The following ARL15 variants were observed in gnomAD, a reference collection of about 807,000 sequenced individuals.
The protein encoded by ARL15 is ADP-ribosylation factor-like protein 15.
A neutral mutation model predicts 25.2 loss-of-function variants in ARL15; 19 were observed. The ratio of observed to expected loss-of-function variants is 0.75; its 90% confidence interval spans 0.53 to 1.10. The LOEUF (loss-of-function observed/expected upper bound fraction) is 1.10, where lower values mean the gene tolerates loss of function less well. Ranked by LOEUF, ARL15 falls within the 50% of genes least tolerant of loss-of-function variation. The pLI is 0.00. For synonymous variants in ARL15, 94 were observed against 86.8 expected, an observed-to-expected ratio of 1.08 and a Z score of -0.46; for missense variants, 220 against 246.0, an observed-to-expected ratio of 0.89 and a Z score of 0.71.
intron 4 of ARL15, among the ~76,000 whole-genome samples, chr5:54,047,164 G>A (rs904226371): frequency 6.6e-6 from 1 of 152,112 alleles, no homozygotes; most frequent in Non-Finnish European, 1.5e-5. Flanking sequence ...GAGTAAGGGA[G>A]TGAAATAAAA....
intron 1 of ARL15, among the ~76,000 whole-genome samples, chr5:54,200,121 A>G (rs1229891146): frequency 7.7e-6 from 1 of 130,702 alleles, no homozygotes; most frequent in Non-Finnish European, 1.6e-5. Context: ...AGGAAGGGGA[A>G]CATCACACTC....
At chr5:54,183,819 T>G (rs1195260604) in intron 1 of ARL15, among the ~76,000 whole-genome samples, 2 of 151,516 alleles carry the variant, frequency 1.3e-5, no homozygotes, top group East Asian at 3.9e-4. Flanking sequence ...ATTGCGGCAT[T>G]ATTCACAATA....
intron 1 of ARL15, among the ~76,000 whole-genome samples, chr5:54,265,284 T>C (rs1342149965): frequency 6.6e-6 from 1 of 152,240 alleles, no homozygotes; most frequent in Non-Finnish European, 1.5e-5. Context: ...TAGTGGTTGT[T>C]TGGCCTTCTG....
At chr5:53,985,041 T>C (rs1015463351) in intron 4 of ARL15, among the ~76,000 whole-genome samples, 2 of 152,200 alleles carry the variant, frequency 1.3e-5, no homozygotes, top group Non-Finnish European at 2.9e-5. Flanking sequence ...AAGCTCACTA[T>C]CTAAATTATT....
rs533152484 is a variant in ARL15, at chr5:54,180,379, G to C, written c.49-8451C>G. Among the ~76,000 whole-genome samples, 5 of 152,270 alleles carry C rather than the reference G, an allele frequency of 3.3e-5. No individual in the cohort carries two copies. In the East Asian group the frequency reaches 9.7e-4, roughly 29 times the overall value. On this transcript the variant is annotated intron_variant, in intron 1 of 4. Transcript: ENST00000504924. The stretch of plus-strand genomic sequence containing the variant: ...ATGCTTCGATGTCTTAGGGTGACTA[G>C]TGGTTCTTGCAAACAAGTTCAAAAT...
chr5:54,083,044 T>A (rs995745840), intron 4 of ARL15, among the ~76,000 whole-genome samples: 5 of 152,164 alleles, frequency 3.3e-5, no homozygotes, highest in Non-Finnish European at 7.3e-5. Flanking sequence ...AAGAAAAATA[T>A]GTAAGCAAAT....
chr5:53,999,678 C>A (rs1342593734), intron 4 of ARL15, among the ~76,000 whole-genome samples: 1 of 152,122 alleles, frequency 6.6e-6, no homozygotes, highest in Admixed American at 6.5e-5. Context: ...TTTGGGAGGC[C>A]AAGGTGGGCG....
chr5:53,972,820 C>T (rs914696506), intron 4 of ARL15, among the ~76,000 whole-genome samples: 6 of 152,058 alleles, frequency 3.9e-5, no homozygotes, highest in East Asian at 1.9e-4. Context: ...GAGATTTCAA[C>T]GTCAAGGAGT....
intron 1 of ARL15, among the ~76,000 whole-genome samples, chr5:54,272,485 T>G (rs980033501): frequency 1.3e-5 from 2 of 152,136 alleles, no homozygotes; most frequent in Non-Finnish European, 2.9e-5. Flanking sequence ...GGTGGAAATT[T>G]CCATCAATCA....
At chr5:54,006,711 G>A (rs1749057659) in intron 4 of ARL15, among the ~76,000 whole-genome samples, 1 of 152,156 alleles carries the variant, frequency 6.6e-6, no homozygotes, top group Non-Finnish European at 1.5e-5. Flanking sequence ...ATGAGGTGGG[G>A]AATGGATAGG....
chr5:54,142,672 G>A (rs1277833122), intron 3 of ARL15, among the ~76,000 whole-genome samples: 1 of 151,942 alleles, frequency 6.6e-6, no homozygotes, highest in African/African-American at 2.4e-5. Context: ...GTTGTTAGGA[G>A]GCCAACGTGT....
intron 4 of ARL15, among the ~76,000 whole-genome samples, chr5:53,907,691 T>C (rs1580068406): frequency 6.6e-6 from 1 of 150,622 alleles, no homozygotes; most frequent in Non-Finnish European, 1.5e-5. Context: ...AGAGACGGGG[T>C]TTCACCTTGT....
At chr5:54,230,346 G>GAAAAAAAAAAAAAAAAAAAAAGA (rs137882615) in intron 1 of ARL15, among the ~76,000 whole-genome samples, 1 of 91,854 alleles carries the variant, frequency 1.1e-5, no homozygotes, top group Non-Finnish European at 2.1e-5. Flanking sequence ...TTCCATCTCA[G>GAAAAAAAAAAAAAAAAAAAAAGA]AAAAAAAAAA....
rs1430108083 is a variant in ARL15 at position 54,163,128 on chromosome 5, GTT to G, written c.194-8491_194-8490del. On this transcript the variant is annotated intron_variant, in intron 2 of 4. Transcript: ENST00000504924. ...CAAAAATTGATGCTGAGTTTTTTTT[GTT>G]TTTGTTTTTTGCATATCTTCACAGG... 7.3e-5 allele frequency among the ~76,000 whole-genome samples: 11 copies of G among 151,668 alleles called. No homozygotes were observed. In the East Asian group the frequency reaches 2.1e-3, roughly 30 times the overall value.
chr5:54,271,179 G>C (rs1249604228), intron 1 of ARL15, among the ~76,000 whole-genome samples: 4 of 152,134 alleles, frequency 2.6e-5, no homozygotes, highest in African/African-American at 9.7e-5. Flanking sequence ...GCATCCCATG[G>C]TCTCCAGCTT....
Position 54,117,694 on chromosome 5 carries a change from T to C in ARL15, c.254-4284A>G, listed in dbSNP as rs558140106. On this transcript the variant is annotated intron_variant, in intron 3 of 4. Coordinates refer to ENST00000504924, the MANE Select transcript of ARL15 (RefSeq NM_019087.3). ...AGCACTTGTACAACTGTTTGAGTTG[T>C]AAGCTACTTCACACAACTCCATTTT... 1.8e-4 allele frequency among the ~76,000 whole-genome samples: 28 copies of C among 152,208 alleles called. 1 individual carries two copies. Among genetic ancestry groups the C allele is most frequent in the Admixed American group, 1.2e-3 (18 of 15,274 alleles).
At chr5:54,112,137 G>T (rs192091175) in intron 4 of ARL15, among the ~76,000 whole-genome samples, 3 of 152,058 alleles carry the variant, frequency 2.0e-5, no homozygotes, top group African/African-American at 7.2e-5. Context: ...TTTAAACTGT[G>T]TTTCTAAAAT....
At chr5:53,896,995 T>C (rs1285399255) in intron 4 of ARL15, among the ~76,000 whole-genome samples, 1 of 152,232 alleles carries the variant, frequency 6.6e-6, no homozygotes, top group Non-Finnish European at 1.5e-5. Flanking sequence ...AGATTCTAGA[T>C]AATTTCTTCC....
intron 1 of ARL15, among the ~76,000 whole-genome samples, chr5:54,288,105 AG>A (rs397837801): frequency 1.5e-5 from 1 of 65,768 alleles, no homozygotes; most frequent in Non-Finnish European, 6.7e-5. Flanking sequence ...CACAAAGCAG[AG>A]GAGAATAACA....
Sources: allele counts gnomAD v4.1 joint callset (sites outside exome capture counted in the v4.1 genomes callset), GRCh38; gene constraint gnomAD v4.1.1; transcripts MANE v1.5; gene names NCBI Gene and HGNC (gene_info 2026-07-23, HGNC 2026-07-21).